The following IMPA1 variants were observed in gnomAD, a reference collection of about 807,000 sequenced individuals.
The protein encoded by IMPA1 is inositol monophosphatase 1.
In IMPA1, 21 loss-of-function variants were observed where a neutral mutation model predicts 34.9. The observed-to-expected ratio is 0.60, with a 90% CI of 0.43 to 0.87. The LOEUF (loss-of-function observed/expected upper bound fraction) is 0.87. IMPA1 is among the 40% of genes least tolerant of loss of function. The pLI, the probability that IMPA1 is intolerant of heterozygous loss-of-function variation, is 0.00. For synonymous variants in IMPA1, 95 were observed against 104.4 expected, an observed-to-expected ratio of 0.91 and a Z score of 0.55; for missense variants, 299 against 336.4, an observed-to-expected ratio of 0.89 and a Z score of 0.87.
intron 1 of IMPA1, among the ~76,000 whole-genome samples, chr8:81,684,784 A>C (rs371172786): frequency 7.0e-6 from 1 of 143,572 alleles, no homozygotes; most frequent in Non-Finnish European, 1.5e-5. Flanking sequence ...TATATATACT[A>C]CACATAAGTA....
intron 1 of IMPA1, among the ~76,000 whole-genome samples, chr8:81,684,431 A>G (rs1374546366): frequency 6.9e-6 from 1 of 144,684 alleles, no homozygotes; most frequent in Non-Finnish European, 1.5e-5. Flanking sequence ...TATACTATAC[A>G]TAAGTATATT....
intron 5 of IMPA1, chr8:81,674,286 C>T: frequency 4.9e-6 from 1 of 204,112 alleles, no homozygotes; most frequent in Admixed American, 5.3e-5. Context: ...AAAAACTGCT[C>T]CATCAGCTGA....
intron 1 of IMPA1, among the ~76,000 whole-genome samples, chr8:81,685,254 CATAAGTATAGATACTATAT>C (rs1807471546): frequency 6.2e-4 from 43 of 69,142 alleles, no homozygotes; most frequent in African/African-American, 3.2e-3. Context: ...ATATACTATA[CATAAGTATAGATACTATAT>C]ATAGTATATA....
Position 81,659,260 on chromosome 8 carries a change from C to T in IMPA1, c.*91G>A. ...TTGACCTGGACAAAGAGAATTTAAA[C>T]CAAGCATATCATACATCCAAAACAC... On this transcript the variant is annotated 3_prime_UTR_variant, in exon 9 of 9. Coordinates refer to ENST00000256108, the MANE Select transcript of IMPA1 (RefSeq NM_005536.4). The T allele has an allele frequency of 1.3e-6, 1 of 765,292 alleles. No homozygotes were observed. Among genetic ancestry groups the T allele is most frequent in the South Asian group, 1.5e-5 (1 of 66,838 alleles). 47.4% of individuals were successfully genotyped at this position (765,292 alleles called of 1,614,324 possible).
intron 4 of IMPA1, 76 bp downstream of exon 4, chr8:81,679,050 G>A (rs1230248965): frequency 2.3e-6 from 2 of 880,240 alleles, no homozygotes; most frequent in Non-Finnish European, 3.7e-6. Flanking sequence ...AAGTGTACAT[G>A]TTCCTAAATA....
intron 4 of IMPA1, 82 bp downstream of exon 4, chr8:81,679,044 G>A: frequency 2.4e-6 from 2 of 833,260 alleles, no homozygotes; most frequent in Admixed American, 2.1e-5. Flanking sequence ...TTTCTAAAGT[G>A]TACATGTTCC....
intron 1 of IMPA1, 142 bp downstream of exon 1, chr8:81,686,110 G>T: frequency 1.2e-6 from 1 of 828,214 alleles, no homozygotes; most frequent in Non-Finnish European, 1.6e-6. Context: ...CAGCAGGCAG[G>T]GGTCACCCAG....
chr8:81,671,509 C>A (rs961457540), intron 6 of IMPA1, among the ~76,000 whole-genome samples: 1 of 152,130 alleles, frequency 6.6e-6, no homozygotes, highest in Non-Finnish European at 1.5e-5. Context: ...ACACCCAACA[C>A]CCTAGATCTC....
intron 7 of IMPA1, among the ~76,000 whole-genome samples, chr8:81,663,495 C>CA (rs1806734497): frequency 6.6e-6 from 1 of 152,158 alleles, no homozygotes; most frequent in Non-Finnish European, 1.5e-5. Context: ...TATTTCTATC[C>CA]AGCTGTGCGA....
At chr8:81,680,565 C>T in intron 3 of IMPA1, 85 bp downstream of exon 3, 3 of 994,220 alleles carry the variant, frequency 3.0e-6, no homozygotes, top group Non-Finnish European at 4.5e-6. Flanking sequence ...TTGGCAAGAA[C>T]CGTGTAGTCA....
chr8:81,684,499 C>CT (rs1563592291), intron 1 of IMPA1, among the ~76,000 whole-genome samples: 14 of 138,484 alleles, frequency 1.0e-4, no homozygotes, highest in African/African-American at 4.0e-4. Flanking sequence ...GTATACTACA[C>CT]ATAAGTATCT....
chr8:81,661,806 G>A (rs1316840347), intron 7 of IMPA1, among the ~76,000 whole-genome samples: 1 of 152,204 alleles, frequency 6.6e-6, no homozygotes, highest in East Asian at 1.9e-4. Context: ...CACACACGCT[G>A]AAATGTGTAT....
rs545052670 is a variant in IMPA1 at position 81,666,645 on chromosome 8, G to A, written c.566+4294C>T. Among the ~76,000 whole-genome samples the A allele has an allele frequency of 2.0e-5, 3 of 152,170 alleles. No homozygotes were observed. In the East Asian group the frequency reaches 5.8e-4, roughly 29 times the overall value. On this transcript the variant is annotated intron_variant, in intron 7 of 8. Transcript: ENST00000256108. The stretch of plus-strand genomic sequence containing the variant: ...TCCCAGAACTTTGGGAGGCAGAGGT[G>A]GGTGGATCACTTGAGGTCAGGAGTT...
At chr8:81,678,887 A>G (rs1807210477) in intron 4 of IMPA1, among the ~76,000 whole-genome samples, 1 of 152,144 alleles carries the variant, frequency 6.6e-6, no homozygotes, top group South Asian at 2.1e-4. Flanking sequence ...AGAATGGTGA[A>G]CGGGGCACTT....
chr8:81,661,017 T>C (rs1806658545), intron 7 of IMPA1, among the ~76,000 whole-genome samples: 1 of 152,160 alleles, frequency 6.6e-6, no homozygotes. Context: ...TTTACACACA[T>C]ATACACATAC....
chr8:81,685,055 CATAAGTATATTTAGATATATATACTATAA>C (rs1404787864), intron 1 of IMPA1, among the ~76,000 whole-genome samples: 1 of 128,024 alleles, frequency 7.8e-6, no homozygotes, highest in Non-Finnish European at 1.6e-5. Flanking sequence ...ATATACTATA[CATAAGTATATTTAGATATATATACTATAA>C]ATAAGTATAT....
chr8:81,683,012 A>ATG (rs1807345987), intron 1 of IMPA1, among the ~76,000 whole-genome samples: 1 of 151,234 alleles, frequency 6.6e-6, no homozygotes, highest in Non-Finnish European at 1.5e-5. Context: ...AAGAAGTGCA[A>ATG]TGAGAAGCAT....
At chr8:81,667,163 T>C (rs986629048) in intron 7 of IMPA1, among the ~76,000 whole-genome samples, 3 of 152,118 alleles carry the variant, frequency 2.0e-5, no homozygotes, top group African/African-American at 4.8e-5. Context: ...TTTGGCTATA[T>C]ACTGAATGTC....
At chr8:81,669,631 G>T (rs1412519426) in intron 7 of IMPA1, among the ~76,000 whole-genome samples, 1 of 152,192 alleles carries the variant, frequency 6.6e-6, no homozygotes, top group African/African-American at 2.4e-5. Context: ...TGATTTCACA[G>T]GCTCACAAAT....
Sources: allele counts gnomAD v4.1 joint callset (sites outside exome capture counted in the v4.1 genomes callset), GRCh38; gene constraint gnomAD v4.1.1; transcripts MANE v1.5; gene names NCBI Gene and HGNC (gene_info 2026-07-23, HGNC 2026-07-21).